SGCZ: variants seen among roughly 807,000 people sequenced by gnomAD.
The protein encoded by SGCZ is sarcoglycan zeta.
A neutral mutation model predicts 41.3 loss-of-function variants in SGCZ; 40 were observed. The observed-to-expected ratio is 0.97, with a 90% CI of 0.75 to 1.26. The LOEUF is 1.26. SGCZ is among the 50% of genes most tolerant of loss of function. The pLI is 0.00. For synonymous variants in SGCZ, 206 were observed against 137.5 expected, an observed-to-expected ratio of 1.50 and a Z score of -3.49; for missense variants, 552 against 369.8, an observed-to-expected ratio of 1.49 and a Z score of -4.04.
chr8:14,985,050 C>T (rs1481197989), intron 1 of SGCZ, among the ~76,000 whole-genome samples: 1 of 152,078 alleles, frequency 6.6e-6, no homozygotes, highest in Non-Finnish European at 1.5e-5. Flanking sequence ...TCTTTACTGC[C>T]AAGCTCTGTT....
intron 1 of SGCZ, among the ~76,000 whole-genome samples, chr8:14,897,066 G>A (rs1303125588): frequency 6.6e-6 from 1 of 152,186 alleles, no homozygotes; most frequent in Non-Finnish European, 1.5e-5. Context: ...ACAGGCGTGA[G>A]CCACCGTGCC....
chr8:14,718,553 C>A (rs981444212), intron 1 of SGCZ, among the ~76,000 whole-genome samples: 1 of 151,918 alleles, frequency 6.6e-6, no homozygotes, highest in African/African-American at 2.4e-5. Context: ...TGGCTGTGGA[C>A]GCAAACCCAG....
intron 4 of SGCZ, among the ~76,000 whole-genome samples, chr8:14,214,333 A>G (rs968941079): frequency 2.0e-5 from 3 of 152,148 alleles, no homozygotes; most frequent in African/African-American, 7.2e-5. Context: ...TAGAGACAAG[A>G]CTACTAAATG....
chr8:14,644,837 T>C (rs1339638176), intron 1 of SGCZ, among the ~76,000 whole-genome samples: 1 of 151,714 alleles, frequency 6.6e-6, no homozygotes, highest in East Asian at 1.9e-4. Context: ...ATTTAAGTTA[T>C]GGGGAAATTA....
intron 1 of SGCZ, among the ~76,000 whole-genome samples, chr8:14,938,081 T>C (rs1171993051): frequency 2.0e-5 from 3 of 152,194 alleles, no homozygotes; most frequent in Non-Finnish European, 4.4e-5. Context: ...AACACATATA[T>C]ACATAATGAT....
chr8:14,752,466 C>T (rs1437399771), intron 1 of SGCZ, among the ~76,000 whole-genome samples: 2 of 152,100 alleles, frequency 1.3e-5, no homozygotes, highest in Non-Finnish European at 1.5e-5. Flanking sequence ...TCATTATTCT[C>T]TTTTTATTTA....
intron 3 of SGCZ, among the ~76,000 whole-genome samples, chr8:14,254,978 C>T (rs922277365): frequency 6.6e-6 from 1 of 152,142 alleles, no homozygotes; most frequent in Admixed American, 6.6e-5. Context: ...AAAAATCATG[C>T]ACTGCTTTTC....
intron 1 of SGCZ, among the ~76,000 whole-genome samples, chr8:14,852,449 C>T (rs1023094933): frequency 3.3e-5 from 5 of 152,082 alleles, no homozygotes; most frequent in Non-Finnish European, 7.4e-5. Context: ...AGAAAGGAAG[C>T]TGTACTTATT....
intron 1 of SGCZ, among the ~76,000 whole-genome samples, chr8:14,905,966 T>C (rs1331117490): frequency 3.3e-5 from 5 of 152,024 alleles, no homozygotes; most frequent in Admixed American, 6.6e-5. Flanking sequence ...GAGGAAGATA[T>C]AGTGTTAGGA....
chr8:14,279,838 A>ATT lies in SGCZ; in HGVS notation c.337-42161_337-42160dup, dbSNP rs150264255. ...TCTGGATCCTCATGCTTCATGCTCC[A>ATT]TTTTTTTTTTCTAATTTAGTCCTTA... On this transcript the variant is annotated intron_variant, in intron 3 of 7. Transcript: ENST00000382080. Among the ~76,000 whole-genome samples the ATT allele has an allele frequency of 3.2e-4, 48 of 149,918 alleles. 1 individual carries two copies. Among genetic ancestry groups the ATT allele is most frequent in the Admixed American group, 2.3e-3 (35 of 15,068 alleles).
chr8:14,626,639 C>T (rs1298565410), intron 1 of SGCZ, among the ~76,000 whole-genome samples: 1 of 152,038 alleles, frequency 6.6e-6, no homozygotes, highest in Non-Finnish European at 1.5e-5. Context: ...GAAATTTGAA[C>T]ATGAAGATGA....
At chr8:14,243,640 A>G (rs563236200) in intron 3 of SGCZ, among the ~76,000 whole-genome samples, 3 of 152,262 alleles carry the variant, frequency 2.0e-5, no homozygotes, top group South Asian at 4.1e-4. Context: ...CAAATTTCCC[A>G]TGTTTGTCAA....
intron 2 of SGCZ, among the ~76,000 whole-genome samples, chr8:14,522,176 G>C (rs1802810198): frequency 6.6e-6 from 1 of 151,912 alleles, no homozygotes; most frequent in Non-Finnish European, 1.5e-5. Flanking sequence ...CTAACATTTA[G>C]CTCTAAATTT....
At chr8:14,889,371 G>A (rs907671901) in intron 1 of SGCZ, among the ~76,000 whole-genome samples, 10 of 151,936 alleles carry the variant, frequency 6.6e-5, no homozygotes, top group Non-Finnish European at 1.3e-4. Flanking sequence ...TTGTGCTCAA[G>A]TAATATACTC....
intron 1 of SGCZ, among the ~76,000 whole-genome samples, chr8:14,860,537 TGAAA>T (rs372354044): frequency 7.2e-5 from 5 of 69,212 alleles, no homozygotes; most frequent in South Asian, 4.0e-4. Context: ...AAGGAAAGAA[TGAAA>T]GAAAGAAAGA....
chr8:14,702,858 T>C (rs1022803450), intron 1 of SGCZ, among the ~76,000 whole-genome samples: 3 of 147,204 alleles, frequency 2.0e-5, no homozygotes, highest in East Asian at 2.0e-4. Context: ...GATAGATAGA[T>C]AGATAGATAG....
chr8:14,435,424 A>C (rs144379938), intron 2 of SGCZ, among the ~76,000 whole-genome samples: 206 of 152,268 alleles, frequency 1.4e-3, no homozygotes, highest in Non-Finnish European at 2.3e-3. Flanking sequence ...CATTAGTTTT[A>C]ATTGTTTACA....
chr8:14,465,448 G>C (rs940411164), intron 2 of SGCZ, among the ~76,000 whole-genome samples: 28 of 151,506 alleles, frequency 1.8e-4, no homozygotes, highest in Non-Finnish European at 2.5e-4. Flanking sequence ...TTTGGATAAA[G>C]AGGGAGTCTC....
chr8:15,034,840 G>T (rs957718232), intron 1 of SGCZ, among the ~76,000 whole-genome samples: 1 of 152,164 alleles, frequency 6.6e-6, no homozygotes, highest in Non-Finnish European at 1.5e-5. Context: ...TGTCAACCAA[G>T]AATATTGTAT....
Sources: allele counts gnomAD v4.1 joint callset (sites outside exome capture counted in the v4.1 genomes callset), GRCh38; gene constraint gnomAD v4.1.1; transcripts MANE v1.5; gene names NCBI Gene and HGNC (gene_info 2026-07-23, HGNC 2026-07-21).